CES2: variants seen among roughly 807,000 people sequenced by gnomAD.
The protein encoded by CES2 is carboxylesterase 2, also known as cocaine esterase.
A neutral mutation model predicts 52.1 loss-of-function variants in CES2; 42 were observed. That is an observed-to-expected ratio of 0.81 (90% CI 0.63 to 1.04). The LOEUF is 1.04. Among genes scored for constraint, CES2 ranks in the 50% least tolerant of loss-of-function variants. The pLI, the probability that CES2 is intolerant of heterozygous loss-of-function variation, is 0.00. For missense variants in CES2, 656 were observed against 724.3 expected, an observed-to-expected ratio of 0.91 and a Z score of 1.08; for synonymous variants, 277 against 289.6, an observed-to-expected ratio of 0.96 and a Z score of 0.44.
In CES2 at chr16:66,939,356, C is replaced by G; in HGVS notation, c.421C>G (p.Pro141Ala). 6.2e-7 allele frequency: 1 copy of G among 1,614,014 alleles called. No individual in the cohort carries two copies. Among genetic ancestry groups the G allele is most frequent in the Non-Finnish European group, 8.5e-7 (1 of 1,179,960 alleles). ...CCATAGCCATGAAGGCTCTAACCTG[C>G]CGGTGGGTGTCAGGCCACAGTTCAC... Reference protein sequence around the residue: ...PAHSHEGSNLPVMVWIHGGAL... With the variant: ...PAHSHEGSNLAVMVWIHGGAL... The change falls in exon 3 of 12, where the codon CCG becomes GCG. Residue 141 changes from proline to alanine, a missense_variant and splice_region_variant. Coordinates refer to ENST00000317091, the MANE Select transcript of CES2 (RefSeq NM_001365405.1).
In CES2 at chr16:66,941,187, G is replaced by A. The variant is rs1384101225; in HGVS notation, c.880G>A (p.Gly294Ser). ...DSEALVGCLRGKSKEEILAIN... is the reference protein window; with the variant it reads ...DSEALVGCLRSKSKEEILAIN... The stretch of plus-strand genomic sequence containing the variant: ...TGAGGCCCTGGTGGGCTGCCTGCGG[G>A]GCAAGAGTAAAGAGGAGATTCTTGC... Residue 294 changes from glycine to serine, a missense_variant, in exon 6 of 12, where the codon GGC becomes AGC. Transcript: ENST00000317091. 6.2e-7 allele frequency: 1 copy of A among 1,614,032 alleles called. No individual in the cohort carries two copies. The highest frequency in any genetic ancestry group is 1.3e-5 in the African/African-American group (1 of 74,926).
chr16:66,944,664 T>G lies in CES2; in HGVS notation c.*639T>G, dbSNP rs1963449422. The G allele has an allele frequency of 6.6e-6, 1 of 152,000 alleles. No homozygotes were observed. The highest frequency in any genetic ancestry group is 2.1e-4 in the South Asian group (1 of 4,824). 9.4% of individuals were successfully genotyped at this position (152,000 alleles called of 1,614,324 possible). The stretch of plus-strand genomic sequence containing the variant: ...ACTCAGGAGGCTGAGGCAGGAGAAT[T>G]ACTTGAACCTGGGAGGCAGAGGTTG... On this transcript the variant is annotated 3_prime_UTR_variant, in exon 12 of 12. Coordinates refer to ENST00000317091, the MANE Select transcript of CES2 (RefSeq NM_001365405.1).
At position 66,944,306 on chromosome 16, in the gene CES2, C is replaced by CAAAA. The variant is rs35024917; in HGVS notation, c.*296_*299dup. The CAAAA allele has an allele frequency of 3.8e-5, 3 of 78,212 alleles. No individual in the cohort carries two copies. The highest frequency in any genetic ancestry group is 4.1e-5 in the African/African-American group (1 of 24,618). The allele number at this position is 78,212 out of a possible 1,614,324, so 4.8% of individuals were successfully genotyped here. On this transcript the variant is annotated 3_prime_UTR_variant, in exon 12 of 12. Coordinates refer to ENST00000317091, the MANE Select transcript of CES2 (RefSeq NM_001365405.1). Reference sequence around the variant, plus strand: ...AGGGCAACACAGTGAGACCCCTTCTCAAAAAAAAAAAAAAAAAAGAGAGAG... The same window carrying CAAAA: ...AGGGCAACACAGTGAGACCCCTTCTCAAAAAAAAAAAAAAAAAAAAAAGAGAGAG...
intron 5 of CES2, 30 bp from the exon 6 acceptor site, chr16:66,941,094 T>G: frequency 4.3e-6 from 7 of 1,612,462 alleles, no homozygotes; most frequent in Non-Finnish European, 5.1e-6. Flanking sequence ...CCTGGAAGGA[T>G]GAGCCAGCCC....
upstream of CES2, chr16:66,934,582 G>T: frequency 1.4e-6 from 1 of 696,384 alleles, no homozygotes; most frequent in Non-Finnish European, 2.3e-6. This position sits in a 1 kb window ranked among gnomAD's most constrained non-coding sequence, Gnocchi z 4.1. Context: ...GCGCTGAGAA[G>T]GGACCACGGC....
Position 66,943,981 on chromosome 16 carries a change from A to G in CES2, c.1636A>G (p.Ile546Val), listed in dbSNP as rs1421270590. 2 of 1,592,912 alleles carry G rather than the reference A, an allele frequency of 1.3e-6. No individual in the cohort carries two copies. The highest frequency in any genetic ancestry group is 1.7e-6 in the Non-Finnish European group (2 of 1,166,004). ...QFWKKALPQK[I>V]QELEEPEERH... ...CTGGAAGAAGGCGCTGCCCCAAAAG[A>G]TCCAGGAGCTCGAGGAGCCTGAAGA... Residue 546 changes from isoleucine to valine, a missense_variant, in exon 12 of 12, where the codon ATC (isoleucine) becomes GTC (valine). Coordinates refer to ENST00000317091, the MANE Select transcript of CES2 (RefSeq NM_001365405.1). This position sits in a 1 kb window ranked among gnomAD's most constrained non-coding sequence, Gnocchi z 4.2.
chr16:66,935,980 G>A, intron 1 of CES2: 1 of 1,393,154 alleles, frequency 7.2e-7, no homozygotes, highest in East Asian at 2.8e-5. Context: ...AGGCCGGGTA[G>A]GCAGCCTGGG....
At chr16:66,942,442 T>C in intron 9 of CES2, 193 bp downstream of exon 9, 1 of 813,654 alleles carries the variant, frequency 1.2e-6, no homozygotes, top group Non-Finnish European at 1.9e-6. Flanking sequence ...GACGAGCAAA[T>C]TGAAGTTAGG....
At chr16:66,936,561 T>C (rs1363109122) in intron 1 of CES2, among the ~76,000 whole-genome samples, 4 of 152,132 alleles carry the variant, frequency 2.6e-5, no homozygotes, top group Admixed American at 2.0e-4. Context: ...GTGTCCCTCA[T>C]GCCATTTACC....
Position 66,940,613 on chromosome 16 carries a change from G to C in CES2, c.734G>C (p.Gly245Ala), listed in dbSNP as rs1425842929. 1.2e-6 allele frequency: 2 copies of C among 1,614,102 alleles called. No individual in the cohort carries two copies. Among genetic ancestry groups the C allele is most frequent in the Middle Eastern group, 1.6e-4 (1 of 6,084 alleles). ...CTTGTTGTGTCCCCCATATCCCAAG[G>C]ACTCTTCCACGGAGCCATCATGGAG... is the stretch of plus-strand genomic sequence containing the variant. ...SSLVVSPISQ[G>A]LFHGAIMESG... is the part of the protein sequence containing the mutation. Residue 245 changes from glycine (G) to alanine (A), a missense_variant, in exon 5 of 12, where the codon GGA becomes GCA. Coordinates refer to ENST00000317091, the MANE Select transcript of CES2 (RefSeq NM_001365405.1).
chr16:66,942,148 T>C lies in CES2; in HGVS notation c.1181T>C (p.Ile394Thr), dbSNP rs373492468. Residue 394 changes from isoleucine to threonine, a missense_variant, in exon 9 of 12, where the codon ATT becomes ACT. Transcript: ENST00000317091. ...GGTGACCTGCTGAGGGAGGAGTACA[T>C]TGGGGACAATGGGGATCCCCAGACC... ...TFGDLLREEYIGDNGDPQTLQ... is the reference protein window; with the variant it reads ...TFGDLLREEYTGDNGDPQTLQ... 125 of 1,613,296 alleles carry C rather than the reference T, an allele frequency of 7.7e-5. No homozygotes were observed. The highest frequency in any genetic ancestry group is 9.4e-5 in the Non-Finnish European group (111 of 1,179,476).
chr16:66,935,325 T>A (rs960609245), upstream of CES2: 1 of 1,135,984 alleles, frequency 8.8e-7, no homozygotes. Context: ...AAGAGAGGAT[T>A]CCCTGGATCG....
In CES2 at chr16:66,935,692, G is replaced by T; in HGVS notation, c.57G>T (p.Leu19=). The change falls in exon 1 of 12, where the codon CTG becomes CTT. Residue 19 remains leucine (L), a synonymous_variant. Transcript: ENST00000317091. ...GCGCGGTGGCCTGTGGGCTTCTGCT[G>T]CTTCTTGTCCGGGGCCAGGGTGAGG... ...RLSAVACGLL[L]LLVRGQGQDS... 6.2e-7 allele frequency: 1 copy of T among 1,601,114 alleles called. No individual in the cohort carries two copies. The highest frequency in any genetic ancestry group is 8.5e-7 in the Non-Finnish European group (1 of 1,179,834).
chr16:66,939,045 C>G (rs1963288148), intron 2 of CES2, among the ~76,000 whole-genome samples, 172 bp from the exon 3 acceptor site: 1 of 152,196 alleles, frequency 6.6e-6, no homozygotes, highest in African/African-American at 2.4e-5. Flanking sequence ...TGCATCCCAG[C>G]TTCCCCAGAG....
In CES2 at chr16:66,943,449, A is replaced by G; in HGVS notation, c.1493+78A>G. The G allele has an allele frequency of 6.8e-7, 1 of 1,472,688 alleles. No homozygotes were observed. Among genetic ancestry groups the G allele is most frequent in the Non-Finnish European group, 9.5e-7 (1 of 1,055,610 alleles). The allele number at this position is 1,472,688 out of a possible 1,614,324, so 91.2% of individuals were successfully genotyped here. ...TCCAGTGCTCTCCTAGTCTGGGGTG[A>G]CCTCATGAGCACACCCGCATCCTTC... On this transcript the variant is annotated intron_variant, in intron 11 of 11. Coordinates refer to ENST00000317091, the MANE Select transcript of CES2 (RefSeq NM_001365405.1). The surrounding 1 kb of genome is among the most constrained non-coding windows in gnomAD (Gnocchi z 4.2).
At position 66,943,856 on chromosome 16, in the gene CES2, G is replaced by T. The variant is rs1359128563; in HGVS notation, c.1511G>T (p.Gly504Val). ...FARNGNPNGE[G>V]LPHWPLFDQE... ...GTCTACAGGAACCCCAATGGCGAGG[G>T]TCTGCCACACTGGCCGCTGTTCGAC... The change falls in exon 12 of 12, where the codon GGT becomes GTT. Residue 504 changes from glycine to valine, a missense_variant. By Grantham distance (109) the Gly-to-Val change is moderately radical. Transcript: ENST00000317091. The surrounding 1 kb of genome is among the most constrained non-coding windows in gnomAD (Gnocchi z 4.2). 5.6e-6 allele frequency: 9 copies of T among 1,601,328 alleles called. No individual in the cohort carries two copies. Among genetic ancestry groups the T allele is most frequent in the Admixed American group, 1.7e-5 (1 of 59,514 alleles).
chr16:66,936,206 C>T (rs1350365587), intron 1 of CES2, among the ~76,000 whole-genome samples: 1 of 152,140 alleles, frequency 6.6e-6, no homozygotes, highest in Admixed American at 6.5e-5. Flanking sequence ...AGCCCCCAGG[C>T]GCCAAATCCT....
chr16:66,936,043 T>C (rs903535850), intron 1 of CES2: 51 of 1,252,972 alleles, frequency 4.1e-5, no homozygotes, highest in South Asian at 6.7e-5. Context: ...TTCCCTCTTA[T>C]GATTGTGGCT....
rs1042828329 is a variant in CES2, at chr16:66,937,428, CAT to C, written c.77-607_77-606del. Among the ~76,000 whole-genome samples the C allele has an allele frequency of 5.6e-4, 85 of 152,296 alleles. 1 individual carries two copies. Among genetic ancestry groups the C allele is most frequent in the African/African-American group, 1.9e-3 (81 of 41,568 alleles). On this transcript the variant is annotated intron_variant, in intron 1 of 11. Coordinates refer to ENST00000317091, the MANE Select transcript of CES2 (RefSeq NM_001365405.1). ...TGTCCTTGATTTTCATCTAAACAGT[CAT>C]AAACTCACCCACTTTCTGGAGCCAG...
Sources: gnomAD v4.1 joint callset for allele counts (sites outside exome capture counted in the v4.1 genomes callset) on GRCh38, gnomAD v4.1.1 for gene constraint, Gnocchi (gnomAD v3.1) non-coding constraint, MANE v1.5 for transcripts, NCBI Gene and HGNC (gene_info 2026-07-23, HGNC 2026-07-21) for gene names.